The following WDR7 variants were observed in gnomAD, a reference collection of about 807,000 sequenced individuals.
WDR7 encodes the protein WD repeat-containing protein 7.
In WDR7, 46 loss-of-function variants were observed where a neutral mutation model predicts 169.4. The observed-to-expected ratio is 0.27, with a 90% confidence interval of 0.21 to 0.35. WDR7 has a LOEUF of 0.35. WDR7 is among the 10% of genes least tolerant of loss of function. The probability of loss-of-function intolerance (pLI) is 1.00; values close to 1 mark genes in which losing one functional copy is unlikely to be tolerated. For synonymous variants in WDR7, 612 were observed against 666.8 expected (o/e 0.92, Z 1.27); for missense variants, 1,534 against 1,859.3 (o/e 0.83, Z 3.22).
intron 12 of WDR7, among the ~76,000 whole-genome samples, chr18:56,699,116 T>TA (rs1283627503): frequency 6.6e-6 from 1 of 152,212 alleles, no homozygotes; most frequent in Non-Finnish European, 1.5e-5. Context: ...AAGACAAAGA[T>TA]ACTTGATTTT....
intron 16 of WDR7, among the ~76,000 whole-genome samples, chr18:56,765,468 G>C (rs929736144): frequency 1.3e-5 from 2 of 151,652 alleles, no homozygotes; most frequent in Non-Finnish European, 2.9e-5. Flanking sequence ...GTACATTCAA[G>C]TGCTATTATA....
intron 21 of WDR7, among the ~76,000 whole-genome samples, chr18:56,906,692 T>C (rs771237360): frequency 7.2e-5 from 11 of 152,040 alleles, no homozygotes; most frequent in Non-Finnish European, 1.5e-4. Flanking sequence ...TACAGACATG[T>C]GCCACCACAG....
At chr18:56,918,447 C>G (rs2046659933) in intron 21 of WDR7, among the ~76,000 whole-genome samples, 1 of 152,062 alleles carries the variant, frequency 6.6e-6, no homozygotes, top group Non-Finnish European at 1.5e-5. Context: ...TTTTGGATAT[C>G]ATAGACTAGT....
chr18:56,843,274 G>T (rs143359346), intron 20 of WDR7, among the ~76,000 whole-genome samples: 2 of 152,194 alleles, frequency 1.3e-5, no homozygotes, highest in Admixed American at 1.3e-4. Flanking sequence ...GCGGTGTTAA[G>T]TATGTACACA....
intron 26 of WDR7, among the ~76,000 whole-genome samples, chr18:56,994,409 C>T (rs936762280): frequency 1.3e-5 from 2 of 152,030 alleles, no homozygotes; most frequent in Admixed American, 6.5e-5. Context: ...TCCTTGGAAA[C>T]ATGTGAGTTT....
At chr18:56,848,512 G>A (rs1266050327) in intron 20 of WDR7, among the ~76,000 whole-genome samples, 1 of 152,150 alleles carries the variant, frequency 6.6e-6, no homozygotes, top group Non-Finnish European at 1.5e-5. Flanking sequence ...AAGGACATAA[G>A]ATTAGGGGGC....
intron 12 of WDR7, among the ~76,000 whole-genome samples, chr18:56,709,843 A>G (rs1300448522): frequency 6.6e-6 from 1 of 151,970 alleles, no homozygotes; most frequent in East Asian, 1.9e-4. Flanking sequence ...TTTACTTGTA[A>G]TATGTTACTT....
intron 14 of WDR7, among the ~76,000 whole-genome samples, chr18:56,744,821 T>A (rs757179479): frequency 2.0e-5 from 3 of 152,138 alleles, no homozygotes; most frequent in African/African-American, 7.2e-5. Flanking sequence ...TCCAAGAGGC[T>A]GAAGAGCAGA....
At chr18:56,779,139 G>A (rs935007541) in intron 17 of WDR7, among the ~76,000 whole-genome samples, 3 of 152,112 alleles carry the variant, frequency 2.0e-5, no homozygotes, top group Admixed American at 2.0e-4. Context: ...ATTTTAGAGG[G>A]ACTGTTAAGA....
intron 1 of WDR7, among the ~76,000 whole-genome samples, chr18:56,659,423 G>A (rs898800492): frequency 1.3e-5 from 2 of 152,130 alleles, no homozygotes; most frequent in African/African-American, 4.8e-5. Context: ...AGGAATTTTA[G>A]GCACTGGGAA....
At chr18:56,819,245 T>A (rs1455748645) in intron 20 of WDR7, among the ~76,000 whole-genome samples, 2 of 152,152 alleles carry the variant, frequency 1.3e-5, no homozygotes, top group African/African-American at 4.8e-5. Context: ...CTATGATCAA[T>A]TGGAACTAAT....
chr18:57,035,232 C>A, the WDR7 span: 19,358 of 152,206 alleles, frequency 0.13, 1,442 homozygotes, highest in East Asian at 0.36. Context: ...CCCATAGGAG[C>A]TGTAGGTCCT....
intron 21 of WDR7, among the ~76,000 whole-genome samples, chr18:56,900,994 T>C (rs1188042763): frequency 3.3e-5 from 5 of 152,240 alleles, no homozygotes; most frequent in Non-Finnish European, 5.9e-5. Flanking sequence ...TGAGATACTA[T>C]ACATTGCTAA....
At chr18:56,841,308 G>A (rs2045482522) in intron 20 of WDR7, among the ~76,000 whole-genome samples, 1 of 151,536 alleles carries the variant, frequency 6.6e-6, no homozygotes, top group Non-Finnish European at 1.5e-5. Context: ...TTGGGAGGCT[G>A]AGGCAGGCAG....
chr18:56,895,678 A>G (rs1364470428), intron 21 of WDR7, among the ~76,000 whole-genome samples: 1 of 151,832 alleles, frequency 6.6e-6, no homozygotes, highest in Non-Finnish European at 1.5e-5. Flanking sequence ...CATCACATGT[A>G]CCCCTAAATA....
At chr18:56,992,002 A>G (rs955683574) in intron 26 of WDR7, among the ~76,000 whole-genome samples, 2 of 152,260 alleles carry the variant, frequency 1.3e-5, no homozygotes, top group Admixed American at 6.5e-5. Context: ...TTAATCAATT[A>G]AAATAGAAAA....
At chr18:56,732,696 T>C (rs2026613352) in intron 14 of WDR7, among the ~76,000 whole-genome samples, 1 of 152,194 alleles carries the variant, frequency 6.6e-6, no homozygotes, top group Non-Finnish European at 1.5e-5. Context: ...CATTCTACAT[T>C]TTTCCTCTGT....
chr18:56,991,214 G>A (rs1337854986), intron 26 of WDR7, among the ~76,000 whole-genome samples: 1 of 140,328 alleles, frequency 7.1e-6, no homozygotes, highest in Non-Finnish European at 1.5e-5. Flanking sequence ...TGGCACGATC[G>A]CGGCTCACCG....
Position 56,935,863 on chromosome 18 carries a change from C to A in WDR7, c.3789C>A (p.Ala1263=). 6.2e-7 allele frequency: 1 copy of A among 1,614,166 alleles called. No homozygotes were observed. Among genetic ancestry groups the A allele is most frequent in the Non-Finnish European group, 8.5e-7 (1 of 1,180,022 alleles). Reference sequence around the variant, plus strand: ...CGAGGCATGCCCTCTCGCTCATTGCCACCGCCAGACCACCCGCCTTCATCA... The same window carrying A: ...CGAGGCATGCCCTCTCGCTCATTGCAACCGCCAGACCACCCGCCTTCATCA... ...RSARHALSLI[A]TARPPAFITT... The change falls in exon 23 of 28, where the codon GCC becomes GCA. Residue 1263 remains alanine, a synonymous_variant. Transcript: ENST00000254442.
Sources: gnomAD v4.1 joint callset for allele counts (sites outside exome capture counted in the v4.1 genomes callset) on GRCh38, gnomAD v4.1.1 for gene constraint, MANE v1.5 for transcripts, NCBI Gene and HGNC (gene_info 2026-07-23, HGNC 2026-07-21) for gene names.